BLTP3A: variants seen among roughly 807,000 people sequenced by gnomAD.
The protein encoded by BLTP3A is ICBP90 binding protein 1.
At chr6:34,844,843 G>A in the BLTP3A span, among the ~76,000 whole-genome samples, 1 of 152,042 alleles carries the variant, frequency 6.6e-6, no homozygotes, top group Non-Finnish European at 1.5e-5. Flanking sequence ...TCTGTGCAGA[G>A]GCTTTTTAAC....
At chr6:34,847,104 A>G in the BLTP3A span, among the ~76,000 whole-genome samples, 1 of 152,218 alleles carries the variant, frequency 6.6e-6, no homozygotes, top group African/African-American at 2.4e-5. Flanking sequence ...TTCCTGGGAT[A>G]AATCCCTGTT....
chr6:34,794,997 G>A, the BLTP3A span, among the ~76,000 whole-genome samples: 4 of 151,632 alleles, frequency 2.6e-5, no homozygotes, highest in Admixed American at 6.6e-5. Context: ...CCATGTTGGC[G>A]AGGATGGTCT....
the BLTP3A span, among the ~76,000 whole-genome samples, chr6:34,853,850 C>T: frequency 2.6e-5 from 4 of 152,102 alleles, no homozygotes; most frequent in African/African-American, 4.8e-5. Flanking sequence ...GCATGAGCCA[C>T]GGTGCCTGGC....
At chr6:34,875,277 G>C in the BLTP3A span, 1 of 152,448 alleles carries the variant, frequency 6.6e-6, no homozygotes, top group Non-Finnish European at 1.5e-5. Flanking sequence ...CTCTTTCAAA[G>C]GCAGAATGTT....
At chr6:34,822,253 A>ATT in the BLTP3A span, among the ~76,000 whole-genome samples, 50 of 139,624 alleles carry the variant, frequency 3.6e-4, no homozygotes, top group Middle Eastern at 3.6e-3. Context: ...TTCCCTTGAA[A>ATT]TTTTTTTTTT....
the BLTP3A span, chr6:34,821,858 A>G: frequency 6.2e-7 from 1 of 1,614,102 alleles, no homozygotes; most frequent in South Asian, 1.1e-5. Flanking sequence ...TTTGGCCAGT[A>G]GGCCTGCTTT....
chr6:34,792,999 G>C, the BLTP3A span, among the ~76,000 whole-genome samples: 1 of 152,164 alleles, frequency 6.6e-6, no homozygotes, highest in Non-Finnish European at 1.5e-5. Flanking sequence ...AGCCTAATTG[G>C]AGAAAGGTCA....
At chr6:34,806,652 A>G in the BLTP3A span, among the ~76,000 whole-genome samples, 88 of 152,284 alleles carry the variant, frequency 5.8e-4, no homozygotes, top group Non-Finnish European at 1.1e-3. Flanking sequence ...AGGCAGTAAC[A>G]TGGATAACCT....
At chr6:34,846,794 G>A in the BLTP3A span, among the ~76,000 whole-genome samples, 1 of 152,096 alleles carries the variant, frequency 6.6e-6, no homozygotes, top group East Asian at 1.9e-4. Flanking sequence ...AGGACTTCCG[G>A]TACTATGTTG....
chr6:34,854,057 A>G, the BLTP3A span, among the ~76,000 whole-genome samples: 1 of 152,042 alleles, frequency 6.6e-6, no homozygotes. Flanking sequence ...CCCCGTCTCT[A>G]CTAAAAACAC....
the BLTP3A span, among the ~76,000 whole-genome samples, chr6:34,845,326 A>G: frequency 3.3e-5 from 5 of 151,894 alleles, no homozygotes; most frequent in Non-Finnish European, 7.4e-5. Context: ...TGGCTTGGCT[A>G]TTCTGTTTTT....
the BLTP3A span, among the ~76,000 whole-genome samples, chr6:34,794,259 G>A: frequency 6.6e-6 from 1 of 152,052 alleles, no homozygotes; most frequent in Admixed American, 6.6e-5. Context: ...TGCATGATGT[G>A]TTGATTTCAC....
the BLTP3A span, among the ~76,000 whole-genome samples, chr6:34,865,616 A>G: frequency 1.3e-5 from 2 of 152,330 alleles, no homozygotes; most frequent in African/African-American, 4.8e-5. Context: ...ACTGTTTTCC[A>G]TAATGCCCAT....
chr6:34,848,291 A>T, the BLTP3A span, among the ~76,000 whole-genome samples: 3 of 151,428 alleles, frequency 2.0e-5, no homozygotes, highest in African/African-American at 4.9e-5. Context: ...CTCAAAAAAA[A>T]AAATAATAAT....
chr6:34,825,462 C>G, the BLTP3A span, among the ~76,000 whole-genome samples: 86 of 152,296 alleles, frequency 5.6e-4, no homozygotes, highest in Middle Eastern at 0.014. Context: ...CATGCACCAC[C>G]AGGCCCAGCT....
the BLTP3A span, among the ~76,000 whole-genome samples, chr6:34,853,750 G>A: frequency 1.3e-5 from 2 of 151,654 alleles, no homozygotes; most frequent in African/African-American, 4.8e-5. Context: ...TAGTAGAGAC[G>A]AAGTTTCATC....
At chr6:34,819,360 A>C in the BLTP3A span, among the ~76,000 whole-genome samples, 1 of 126,370 alleles carries the variant, frequency 7.9e-6, no homozygotes, top group African/African-American at 3.1e-5. Flanking sequence ...TGTTTTTCTT[A>C]CAGGAGAGAG....
At chr6:34,811,796 G>C in the BLTP3A span, among the ~76,000 whole-genome samples, 1 of 151,800 alleles carries the variant, frequency 6.6e-6, no homozygotes, top group Non-Finnish European at 1.5e-5. Context: ...GAGGTGGTTT[G>C]TAGTGAGCCG....
chr6:34,844,989 C>T, the BLTP3A span, among the ~76,000 whole-genome samples: 1 of 152,260 alleles, frequency 6.6e-6, no homozygotes, highest in Admixed American at 6.5e-5. Context: ...AGTTTGAGGT[C>T]TTAGACTTAA....
Sources: allele counts gnomAD v4.1 joint callset (sites outside exome capture counted in the v4.1 genomes callset), GRCh38; gene constraint gnomAD v4.1.1; transcripts MANE v1.5; gene names NCBI Gene and HGNC (gene_info 2026-07-23, HGNC 2026-07-21).